SYMPK: variants seen among roughly 807,000 people sequenced by gnomAD.
The protein encoded by SYMPK is symplekin scaffold protein.
In SYMPK, 49 loss-of-function variants were observed where a neutral mutation model predicts 136.4. The observed-to-expected ratio is 0.36, with a 90% confidence interval of 0.29 to 0.46. The LOEUF is 0.46. SYMPK is among the 20% of genes least tolerant of loss of function. The pLI is 1.00. For missense variants in SYMPK, 1,365 were observed against 1,690.0 expected, an observed-to-expected ratio of 0.81 and a Z score of 3.37; for synonymous variants, 766 against 713.0, an observed-to-expected ratio of 1.07 and a Z score of -1.19.
intron 11 of SYMPK, among the ~76,000 whole-genome samples, chr19:45,834,778 A>G (rs1971264743): frequency 6.6e-6 from 1 of 152,262 alleles, no homozygotes; most frequent in South Asian, 2.1e-4. Flanking sequence ...ACACATTAAT[A>G]GTACTGTTAA....
chr19:45,828,251 T>C (rs1252396886), intron 14 of SYMPK: 5 of 308,258 alleles, frequency 1.6e-5, no homozygotes, highest in Admixed American at 4.6e-5. Flanking sequence ...AAAAGGCCGC[T>C]TTGAAGTTAC....
chr19:45,861,723 T>G (rs1204548915), intron 1 of SYMPK, among the ~76,000 whole-genome samples: 43 of 142,458 alleles, frequency 3.0e-4, no homozygotes, highest in Non-Finnish European at 5.6e-4. Flanking sequence ...GGTGACAGAG[T>G]GAGACTCTGT....
At chr19:45,825,080 C>A in intron 18 of SYMPK, 91 bp downstream of exon 18, 2 of 1,518,648 alleles carry the variant, frequency 1.3e-6, no homozygotes, top group South Asian at 2.5e-5. Context: ...GCTTGGCACA[C>A]TCTGAGGTGG....
intron 14 of SYMPK, chr19:45,828,591 C>T (rs1007222464): frequency 8.5e-6 from 2 of 234,994 alleles, no homozygotes; most frequent in South Asian, 7.4e-5. Context: ...CTGGAGGCCA[C>T]GGATAGGGAG....
At chr19:45,857,625 G>A (rs1477612373) in intron 1 of SYMPK, among the ~76,000 whole-genome samples, 4 of 150,748 alleles carry the variant, frequency 2.7e-5, no homozygotes, top group Non-Finnish European at 5.9e-5. Context: ...CCCAGTAGCT[G>A]GGACTACAGG....
intron 1 of SYMPK, among the ~76,000 whole-genome samples, chr19:45,858,742 C>A (rs904627660): frequency 2.0e-5 from 3 of 151,958 alleles, no homozygotes; most frequent in African/African-American, 7.3e-5. Context: ...CTCGAACTCC[C>A]GACCTCAGGT....
intron 7 of SYMPK, among the ~76,000 whole-genome samples, chr19:45,847,282 G>A (rs1393366320): frequency 6.6e-6 from 1 of 152,022 alleles, no homozygotes; most frequent in African/African-American, 2.4e-5. Flanking sequence ...AAATTGGCCA[G>A]GTATGGTGGC....
chr19:45,821,179 G>GA lies in SYMPK; in HGVS notation c.2893+204dup. Reference sequence around the variant, plus strand: ...GGTTGTAAAGGGTAAAACCTGGGAGGAAGGAAGGAGGAGGGAGGGAGGGAG... The same window carrying GA: ...GGTTGTAAAGGGTAAAACCTGGGAGGAAAGGAAGGAGGAGGGAGGGAGGGAG... On this transcript the variant is annotated intron_variant, in intron 22 of 26. Transcript: ENST00000245934. This position sits in a 1 kb window ranked among gnomAD's most constrained non-coding sequence, Gnocchi z 4.4. 1 of 513,114 alleles carries GA rather than the reference G, an allele frequency of 1.9e-6. No homozygotes were observed. The highest frequency in any genetic ancestry group is 3.7e-6 in the Non-Finnish European group (1 of 269,196). 31.8% of individuals were successfully genotyped at this position (513,114 alleles called of 1,614,324 possible). A position where few individuals can be genotyped will look rare whatever the true frequency, so the allele number is the denominator to read the frequency against.
chr19:45,836,439 G>A (rs1257066727), intron 10 of SYMPK, among the ~76,000 whole-genome samples: 1 of 151,726 alleles, frequency 6.6e-6, no homozygotes, highest in Non-Finnish European at 1.5e-5. Context: ...GACCATCTTG[G>A]CTAACACAGC....
At chr19:45,850,676 T>C (rs1267905112) in intron 5 of SYMPK, among the ~76,000 whole-genome samples, 3 of 152,172 alleles carry the variant, frequency 2.0e-5, no homozygotes, top group Non-Finnish European at 2.9e-5. Context: ...GTTCAACTCA[T>C]TCACGTGTGC....
intron 1 of SYMPK, among the ~76,000 whole-genome samples, chr19:45,857,611 C>G (rs1284812307): frequency 2.0e-5 from 3 of 150,480 alleles, no homozygotes. Flanking sequence ...CCTGCCTCAG[C>G]CTCCCCAGTA....
rs1408846791 is a variant in SYMPK, at chr19:45,847,753, G to A, written c.675C>T (p.Tyr225=). Residue 225 remains tyrosine (Y), a splice_region_variant and synonymous_variant, in exon 7 of 27, where the codon TAC becomes TAT. Coordinates refer to ENST00000245934, the MANE Select transcript of SYMPK (RefSeq NM_004819.3). ...GTGGCAGCTGAAGGCAGTACTCACT[G>A]TACTGGATGTAGGGGTGGTCACGAG... ...RIPRDHPYIQ[Y]NVLWEEGKAA... 1.9e-6 allele frequency: 3 copies of A among 1,612,820 alleles called. No individual in the cohort carries two copies. The highest frequency in any genetic ancestry group is 2.7e-5 in the African/African-American group (2 of 74,912).
Position 45,858,335 on chromosome 19 carries a change from C to T in SYMPK, c.-12-3828G>A, listed in dbSNP as rs576087685. Among the ~76,000 whole-genome samples the T allele has an allele frequency of 3.9e-5, 6 of 152,254 alleles. No individual in the cohort carries two copies. In the South Asian group the frequency reaches 1.2e-3, roughly 32 times the overall value. On this transcript the variant is annotated intron_variant, in intron 1 of 26. Transcript: ENST00000245934. ...CTCCCCCTGGGCTCTTTGCTCCACC[C>T]ACTCTGGCCTCCTCGCTGTCCTGTG...
At chr19:45,831,293 ACGCACACGCACACG>A in intron 12 of SYMPK, 77 bp downstream of exon 12, 1 of 862,566 alleles carries the variant, frequency 1.2e-6, no homozygotes, top group Non-Finnish European at 1.6e-6. Context: ...ACACACACAC[ACGCACACGCACACG>A]CACACGCACA....
intron 6 of SYMPK, 38 bp from the exon 7 acceptor site, chr19:45,848,039 A>C (rs944603958): frequency 3.2e-6 from 5 of 1,545,900 alleles, no homozygotes; most frequent in Admixed American, 3.7e-5. Flanking sequence ...GAGACACACA[A>C]AGAGGTGAAG....
chr19:45,844,727 G>T (rs963323492), intron 7 of SYMPK, among the ~76,000 whole-genome samples: 2 of 151,918 alleles, frequency 1.3e-5, no homozygotes, highest in Non-Finnish European at 2.9e-5. Flanking sequence ...GCTTGCAATA[G>T]TGAAAGACTA....
At chr19:45,837,225 T>C (rs965533013) in intron 10 of SYMPK, among the ~76,000 whole-genome samples, 4 of 152,176 alleles carry the variant, frequency 2.6e-5, no homozygotes, top group Non-Finnish European at 4.4e-5. Context: ...ATTACAAACA[T>C]ATGGTATTTT....
chr19:45,831,892 G>C (rs1372885225), intron 11 of SYMPK, among the ~76,000 whole-genome samples: 1 of 152,106 alleles, frequency 6.6e-6, no homozygotes, highest in Non-Finnish European at 1.5e-5. Flanking sequence ...GGAGTACGGT[G>C]GTGCAATCAG....
chr19:45,861,846 A>T (rs1436195570), intron 1 of SYMPK: 1 of 152,040 alleles, frequency 6.6e-6, no homozygotes. Context: ...GGAGTTCAAG[A>T]CCAGCCTGGC....
Sources: gnomAD v4.1 joint callset for allele counts (sites outside exome capture counted in the v4.1 genomes callset) on GRCh38, gnomAD v4.1.1 for gene constraint, Gnocchi (gnomAD v3.1) non-coding constraint, MANE v1.5 for transcripts, NCBI Gene and HGNC (gene_info 2026-07-23, HGNC 2026-07-21) for gene names.